IL1RAPL2: variants seen among roughly 807,000 people sequenced by gnomAD.
IL1RAPL2 encodes the protein interleukin 1 receptor accessory protein like 2.
In IL1RAPL2, 3 loss-of-function variants were observed where a neutral mutation model predicts 44.1. The observed-to-expected ratio is 0.07, with a 90% confidence interval of 0.03 to 0.18. The LOEUF is 0.18. Ranked by LOEUF, IL1RAPL2 falls within the 10% of genes least tolerant of loss-of-function variation. The pLI is 1.00. For synonymous variants in IL1RAPL2, 181 were observed against 178.8 expected, an observed-to-expected ratio of 1.01 and a Z score of -0.10; for missense variants, 391 against 496.4, an observed-to-expected ratio of 0.79 and a Z score of 2.02.
chrX:105,372,166 T>C (rs2035345991), intron 5 of IL1RAPL2, among the ~76,000 whole-genome samples: 1 of 111,339 alleles, frequency 9.0e-6, no homozygotes, highest in Admixed American at 9.6e-5. Context: ...TTAGGCACAG[T>C]GGCTCACGAC....
intron 2 of IL1RAPL2, among the ~76,000 whole-genome samples, chrX:104,816,249 T>C (rs1307671723): frequency 8.9e-6 from 1 of 112,067 alleles, no homozygotes; most frequent in Non-Finnish European, 1.9e-5. Flanking sequence ...TTCATGACTA[T>C]AGTCTGTACT....
intron 1 of IL1RAPL2, among the ~76,000 whole-genome samples, chrX:104,651,755 A>G (rs2148020516): frequency 9.0e-6 from 1 of 111,597 alleles, no homozygotes; most frequent in African/African-American, 3.2e-5. Flanking sequence ...ATTGGGGGGT[A>G]AGACAGAGGA....
At chrX:105,322,210 C>T (rs2034902212) in intron 5 of IL1RAPL2, among the ~76,000 whole-genome samples, 1 of 112,820 alleles carries the variant, frequency 8.9e-6, no homozygotes, top group East Asian at 2.8e-4. Context: ...CTAAAAGCCA[C>T]ATCTGCTATA....
At chrX:105,506,102 A>G (rs1474430889) in intron 6 of IL1RAPL2, among the ~76,000 whole-genome samples, 2 of 111,764 alleles carry the variant, frequency 1.8e-5, no homozygotes, top group Non-Finnish European at 3.8e-5. Context: ...AATGGATTGG[A>G]TACAGGTAGG....
intron 2 of IL1RAPL2, among the ~76,000 whole-genome samples, chrX:104,670,414 GCCCAC>G (rs1004125030): frequency 1.8e-5 from 2 of 111,132 alleles, no homozygotes; most frequent in Non-Finnish European, 3.8e-5. Flanking sequence ...ATTGGATGGT[GCCCAC>G]CCATACTGAG....
chrX:105,541,157 A>G (rs754001454), intron 6 of IL1RAPL2, among the ~76,000 whole-genome samples: 35 of 108,804 alleles, frequency 3.2e-4, no homozygotes, highest in African/African-American at 1.0e-3. Flanking sequence ...AATGTAAATC[A>G]AATCATATTA....
intron 2 of IL1RAPL2, among the ~76,000 whole-genome samples, chrX:104,771,037 T>G (rs766370560): frequency 8.9e-6 from 1 of 112,196 alleles, no homozygotes; most frequent in African/African-American, 3.2e-5. Flanking sequence ...CTGAAAAGGA[T>G]CATGTGTATT....
At chrX:104,950,548 T>C (rs1211309676) in intron 2 of IL1RAPL2, among the ~76,000 whole-genome samples, 2 of 112,470 alleles carry the variant, frequency 1.8e-5, no homozygotes. Context: ...GCCTGGGCAG[T>C]GACGGGCGCC....
chrX:105,064,541 A>C (rs2032113883), intron 2 of IL1RAPL2, among the ~76,000 whole-genome samples: 1 of 112,218 alleles, frequency 8.9e-6, no homozygotes, highest in South Asian at 3.7e-4. Context: ...CTTCCAATGT[A>C]TAACTTGGCT....
intron 9 of IL1RAPL2, 89 bp downstream of exon 9, chrX:105,749,192 C>G: frequency 1.0e-6 from 1 of 954,450 alleles, no homozygotes; most frequent in East Asian, 3.2e-5. Context: ...AAAGTATAAG[C>G]TGAAATATTT....
intron 5 of IL1RAPL2, among the ~76,000 whole-genome samples, chrX:105,372,351 G>C (rs1053191777): frequency 1.8e-5 from 2 of 108,354 alleles, no homozygotes; most frequent in African/African-American, 6.8e-5. Flanking sequence ...CAGGAGAATT[G>C]CTTGAACCCA....
At chrX:104,577,369 A>C (rs1299924034) in intron 1 of IL1RAPL2, among the ~76,000 whole-genome samples, 1 of 112,006 alleles carries the variant, frequency 8.9e-6, no homozygotes, top group African/African-American at 3.2e-5. Flanking sequence ...AAAATAGTCT[A>C]CACAGCTGTG....
chrX:105,155,680 A>C lies in IL1RAPL2; in HGVS notation c.83-39795A>C, dbSNP rs184382600. 5.4e-5 allele frequency among the ~76,000 whole-genome samples: 6 copies of C among 111,089 alleles called. No individual in the cohort carries two copies. The Admixed American group carries it at 5.8e-4, about 11-fold the overall frequency. On this transcript the variant is annotated intron_variant, in intron 2 of 10. Transcript: ENST00000372582. ...AGAGGGGGCCTGGTTAGGAGGTTGT[A>C]ATAGGGTTCAGATGTGAGTTAATGA...
chrX:104,688,573 G>C (rs1017224110), intron 2 of IL1RAPL2, among the ~76,000 whole-genome samples: 1 of 111,411 alleles, frequency 9.0e-6, no homozygotes, highest in Non-Finnish European at 1.9e-5. Context: ...GGAAATGAAT[G>C]TGATTCTTCC....
intron 3 of IL1RAPL2, among the ~76,000 whole-genome samples, chrX:105,196,807 C>T (rs1432740296): frequency 2.7e-5 from 3 of 111,401 alleles, no homozygotes; most frequent in East Asian, 2.8e-4. Context: ...GTAGCTGAGA[C>T]GACCTTTAGG....
chrX:105,478,763 A>G (rs1394438673), intron 5 of IL1RAPL2, among the ~76,000 whole-genome samples: 1 of 111,676 alleles, frequency 9.0e-6, no homozygotes, highest in Non-Finnish European at 1.9e-5. Flanking sequence ...GTTCCTTGCA[A>G]TCTAAGAATG....
chrX:105,722,013 C>T (rs147317827), intron 7 of IL1RAPL2, among the ~76,000 whole-genome samples: 1,777 of 111,468 alleles, frequency 0.016, 29 homozygotes, highest in African/African-American at 0.056. Flanking sequence ...GATGGGGATA[C>T]GTTCTATGTA....
intron 2 of IL1RAPL2, among the ~76,000 whole-genome samples, chrX:105,083,168 A>G (rs1470831198): frequency 3.6e-5 from 4 of 111,192 alleles, no homozygotes; most frequent in Non-Finnish European, 5.7e-5. Flanking sequence ...ACAATTATCA[A>G]TAGCTGAATC....
chrX:105,706,454 A>G (rs1398338618), intron 6 of IL1RAPL2, among the ~76,000 whole-genome samples: 1 of 111,769 alleles, frequency 8.9e-6, no homozygotes, highest in Non-Finnish European at 1.9e-5. Context: ...GAGTAGTGGA[A>G]AGTTCCAGTG....
Sources: gnomAD v4.1 joint callset for allele counts (sites outside exome capture counted in the v4.1 genomes callset) on GRCh38, gnomAD v4.1.1 for gene constraint, MANE v1.5 for transcripts, NCBI Gene and HGNC (gene_info 2026-07-23, HGNC 2026-07-21) for gene names.